Variants in SMAD1 observed in about 807,000 individuals in gnomAD.
SMAD1 encodes the protein SMAD family member 1, also known as MAD, mothers against decapentaplegic homolog 1.
Under a neutral mutation model 41.6 loss-of-function variants are expected in SMAD1, and 6 were observed. The ratio of observed to expected loss-of-function variants is 0.14; its 90% CI spans 0.08 to 0.28. The LOEUF (loss-of-function observed/expected upper bound fraction) is 0.28. SMAD1 is among the 10% of genes least tolerant of loss of function. The pLI is 1.00. For synonymous variants in SMAD1, 206 were observed against 203.2 expected, an observed-to-expected ratio of 1.01 and a Z score of -0.12; for missense variants, 379 against 582.6, an observed-to-expected ratio of 0.65 and a Z score of 3.60.
intron 1 of SMAD1, among the ~76,000 whole-genome samples, chr4:145,505,475 T>C (rs1051823471): frequency 6.6e-6 from 1 of 152,072 alleles, no homozygotes; most frequent in African/African-American, 2.4e-5. Context: ...AAAAATTAGC[T>C]GGGCGTGGTG....
In SMAD1 at chr4:145,538,591, A is replaced by T. The variant is rs1473508329; in HGVS notation, c.401-1213A>T. 2.6e-5 allele frequency among the ~76,000 whole-genome samples: 4 copies of T among 152,206 alleles called. No individual in the cohort carries two copies. The East Asian group carries it at 5.8e-4, about 22-fold the overall frequency. On this transcript the variant is annotated intron_variant, in intron 2 of 6. Transcript: ENST00000302085. ...TTTTACTGTAGAAATGATATAAATT[A>T]TGCATAGATTCCCTGGAAAGCCCTC... is the stretch of plus-strand genomic sequence containing the variant.
At chr4:145,511,469 C>T (rs1341091467) in intron 1 of SMAD1, among the ~76,000 whole-genome samples, 1 of 152,124 alleles carries the variant, frequency 6.6e-6, no homozygotes, top group East Asian at 1.9e-4. Context: ...ATAGGGTCTT[C>T]CTGTGCTGCC....
intron 2 of SMAD1, among the ~76,000 whole-genome samples, chr4:145,524,839 G>A (rs1351244544): frequency 2.7e-5 from 4 of 148,740 alleles, no homozygotes; most frequent in African/African-American, 9.8e-5. Flanking sequence ...GAAAACCATA[G>A]AAAAACATTT....
At chr4:145,538,391 A>G (rs1731732342) in intron 2 of SMAD1, among the ~76,000 whole-genome samples, 1 of 152,232 alleles carries the variant, frequency 6.6e-6, no homozygotes, top group African/African-American at 2.4e-5. Context: ...TATATACTCA[A>G]AAGATTTGTT....
intron 2 of SMAD1, 24 bp from the exon 3 acceptor site, chr4:145,539,780 T>C: frequency 6.2e-7 from 1 of 1,608,108 alleles, no homozygotes; most frequent in Non-Finnish European, 8.5e-7. Context: ...TTTGTCCTTC[T>C]CTTTTTTCCC....
chr4:145,502,333 G>GT, intron 1 of SMAD1, among the ~76,000 whole-genome samples: 1 of 152,176 alleles, frequency 6.6e-6, no homozygotes, highest in East Asian at 1.9e-4. Flanking sequence ...GGGAATGGGG[G>GT]TTCAATGGGA....
At chr4:145,480,959 C>CA (rs112839410), upstream of SMAD1, among the ~76,000 whole-genome samples, 13,241 of 135,414 alleles carry the variant, frequency 0.098, 2,021 homozygotes, top group African/African-American at 0.33. Flanking sequence ...ATTTATTCCT[C>CA]AAAAAAAAAT....
At chr4:145,496,660 C>T (rs1729095725) in intron 1 of SMAD1, among the ~76,000 whole-genome samples, 2 of 152,062 alleles carry the variant, frequency 1.3e-5, no homozygotes, top group African/African-American at 2.4e-5. Flanking sequence ...TGCACGAGTT[C>T]CACAGGGCCC....
chr4:145,546,602 T>C (rs954732179), intron 4 of SMAD1, 101 bp from the exon 5 acceptor site: 194 of 811,886 alleles, frequency 2.4e-4, no homozygotes, highest in Non-Finnish European at 4.5e-5. Context: ...GCTTTTCCAG[T>C]GTCTTCATTC....
intron 5 of SMAD1, among the ~76,000 whole-genome samples, chr4:145,547,659 A>C (rs1433974896): frequency 1.3e-5 from 2 of 152,194 alleles, no homozygotes; most frequent in Non-Finnish European, 2.9e-5. Flanking sequence ...AGATGAAGCA[A>C]ATGACTAAAT....
chr4:145,501,886 G>A (rs1729463592), intron 1 of SMAD1, among the ~76,000 whole-genome samples: 1 of 152,128 alleles, frequency 6.6e-6, no homozygotes, highest in Non-Finnish European at 1.5e-5. Flanking sequence ...TGAAGCATTG[G>A]TGTGAGGAGT....
chr4:145,545,007 A>G (rs925495213), intron 4 of SMAD1: 2 of 152,162 alleles, frequency 1.3e-5, no homozygotes, highest in Non-Finnish European at 2.9e-5. Flanking sequence ...TAGTCAGTTA[A>G]TATTTTCACG....
At chr4:145,484,283 A>G (rs1300504067) in intron 1 of SMAD1, among the ~76,000 whole-genome samples, 2 of 152,216 alleles carry the variant, frequency 1.3e-5, no homozygotes, top group Non-Finnish European at 2.9e-5. Flanking sequence ...GGCTTTATAA[A>G]TAATGTAAGT....
At chr4:145,490,232 A>T (rs1019346709) in intron 1 of SMAD1, among the ~76,000 whole-genome samples, 3 of 128,504 alleles carry the variant, frequency 2.3e-5, no homozygotes, top group African/African-American at 1.1e-4. Context: ...CACAAGTGAC[A>T]AATGTTGACC....
Position 145,514,513 on chromosome 4 carries a change from A to T in SMAD1, c.-101A>T. The T allele has an allele frequency of 8.5e-7, 1 of 1,173,496 alleles. No individual in the cohort carries two copies. The highest frequency in any genetic ancestry group is 2.4e-5 in the East Asian group (1 of 41,260). 72.7% of individuals were successfully genotyped at this position (1,173,496 alleles called of 1,614,324 possible). A position where few individuals can be genotyped will look rare whatever the true frequency, so the allele number is the denominator to read the frequency against. ...TCTGGACTTCAAACTAAGAAGTTAA[A>T]GAGACTTCTCTGTAAATAAACAAAT... On this transcript the variant is annotated 5_prime_UTR_variant, in exon 2 of 7. The change creates a new upstream start codon in the 5' untranslated region. Coordinates refer to ENST00000302085, the MANE Select transcript of SMAD1 (RefSeq NM_005900.3). The surrounding 1 kb of genome is among the most constrained non-coding windows in gnomAD (Gnocchi z 4.7).
rs1730293927 is a variant in SMAD1, at chr4:145,515,001, G to A, written c.388G>A (p.Val130Ile). 1 of 1,603,492 alleles carries A rather than the reference G, an allele frequency of 6.2e-7. No homozygotes were observed. Among genetic ancestry groups the A allele is most frequent in the South Asian group, 1.1e-5 (1 of 89,712 alleles). The change falls in exon 2 of 7, where the codon GTA becomes ATA. Residue 130 changes from valine to isoleucine, a missense_variant. Around this residue, in one of 3 missense-constraint regions of SMAD1, gnomAD observed 208 missense variants for 210.5 expected, o/e 0.99. Transcript: ENST00000302085. ...VCINPYHYKR[V>I]ESPVLPPVLV... ...CATCAATCCCTACCACTATAAGAGA[G>A]TAGAAAGCCCTGGTAAGTGAGTTAT...
chr4:145,499,000 T>C (rs1300193498), intron 1 of SMAD1, among the ~76,000 whole-genome samples: 1 of 152,188 alleles, frequency 6.6e-6, no homozygotes, highest in Non-Finnish European at 1.5e-5. Flanking sequence ...TACCTCTTAT[T>C]GCCACCTTCA....
intron 1 of SMAD1, among the ~76,000 whole-genome samples, chr4:145,502,718 A>G (rs921888833): frequency 1.3e-5 from 2 of 152,238 alleles, no homozygotes; most frequent in African/African-American, 2.4e-5. Context: ...TCTGACATCC[A>G]TAAGTTCCTT....
intron 2 of SMAD1, among the ~76,000 whole-genome samples, chr4:145,528,111 T>A (rs894865945): frequency 4.0e-5 from 6 of 151,538 alleles, no homozygotes; most frequent in African/African-American, 1.5e-4. Flanking sequence ...ACATATATTT[T>A]TTTTTTTTTT....
Sources: allele counts gnomAD v4.1 joint callset (sites outside exome capture counted in the v4.1 genomes callset), GRCh38; gene constraint gnomAD v4.1.1; regional missense constraint gnomAD v4.1.1; non-coding constraint Gnocchi (gnomAD v3.1); transcripts MANE v1.5; gene names NCBI Gene and HGNC (gene_info 2026-07-23, HGNC 2026-07-21).